Variants in HPN observed in about 807,000 individuals in gnomAD.
HPN encodes the protein hepsin, also known as serine protease hepsin.
Under a neutral mutation model 55.9 loss-of-function variants are expected in HPN, and 13 were observed. That is an observed-to-expected ratio of 0.23 (90% CI 0.15 to 0.37). The LOEUF (loss-of-function observed/expected upper bound fraction) is 0.37, where lower values mean the gene tolerates loss of function less well. Ranked by LOEUF, HPN falls within the 10% of genes least tolerant of loss-of-function variation. The pLI is 1.00. For missense variants in HPN, 451 were observed against 575.8 expected, an observed-to-expected ratio of 0.78 and a Z score of 2.22; for synonymous variants, 225 against 240.3, an observed-to-expected ratio of 0.94 and a Z score of 0.59.
At chr19:35,054,463 T>C (rs1156852949) in intron 4 of HPN, among the ~76,000 whole-genome samples, 3 of 150,252 alleles carry the variant, frequency 2.0e-5, no homozygotes, top group Admixed American at 6.6e-5. Flanking sequence ...CCGAGGATGG[T>C]TGTGGGATTC....
chr19:35,065,092 G>T (rs4396637), intron 9 of HPN, among the ~76,000 whole-genome samples, 158 bp from the exon 10 acceptor site: 94,380 of 151,962 alleles, frequency 0.62, 31,997 homozygotes, highest in Admixed American at 0.77. Context: ...AAAGTGCTGG[G>T]ATTACAGGCA....
At chr19:35,053,653 G>GTTC (rs1227782667) in intron 4 of HPN, among the ~76,000 whole-genome samples, 1 of 152,256 alleles carries the variant, frequency 6.6e-6, no homozygotes, top group Non-Finnish European at 1.5e-5. Flanking sequence ...GCTGAGGCAT[G>GTTC]AGAATCGCTT....
intron 9 of HPN, among the ~76,000 whole-genome samples, chr19:35,063,509 G>A (rs1810132260): frequency 2.6e-5 from 4 of 152,296 alleles, no homozygotes; most frequent in Middle Eastern, 6.8e-3. Context: ...GGGAGTTTGA[G>A]ACCAGCCTGG....
chr19:35,057,163 C>G (rs762321754), intron 4 of HPN, among the ~76,000 whole-genome samples: 32 of 152,156 alleles, frequency 2.1e-4, no homozygotes, highest in African/African-American at 7.7e-4. Flanking sequence ...CAGTAGCTCA[C>G]GCCTGTCATC....
intron 2 of HPN, among the ~76,000 whole-genome samples, chr19:35,045,002 G>T (rs1471505279): frequency 6.6e-6 from 1 of 152,126 alleles, no homozygotes; most frequent in Non-Finnish European, 1.5e-5. Flanking sequence ...TCCTAGGAGT[G>T]AGGGCCTCTG....
At chr19:35,045,169 G>T (rs1325934367) in intron 2 of HPN, among the ~76,000 whole-genome samples, 1 of 152,126 alleles carries the variant, frequency 6.6e-6, no homozygotes, top group Non-Finnish European at 1.5e-5. Context: ...AGAGGGTCTA[G>T]GGCTGGGGAC....
In HPN at chr19:35,042,477, G is replaced by T; in HGVS notation, c.-30G>T. 2 of 1,602,880 alleles carry T rather than the reference G, an allele frequency of 1.2e-6. No homozygotes were observed. Among genetic ancestry groups the T allele is most frequent in the South Asian group, 2.3e-5 (2 of 88,668 alleles). On this transcript the variant is annotated 5_prime_UTR_variant, in exon 2 of 13. Coordinates refer to ENST00000672452, the MANE Select transcript of HPN (RefSeq NM_001384133.1). Reference sequence around the variant, plus strand: ...GGTCCCACCCTGGCCCAGGAGGTCAGCCAGGGAATCATTAACAAGAGGCAG... The same window carrying T: ...GGTCCCACCCTGGCCCAGGAGGTCATCCAGGGAATCATTAACAAGAGGCAG...
In HPN at chr19:35,060,647, G is replaced by A. The variant is rs374894952; in HGVS notation, c.641G>A (p.Arg214Gln). 5 of 1,613,922 alleles carry A rather than the reference G, an allele frequency of 3.1e-6. No homozygotes were observed. Among genetic ancestry groups the A allele is most frequent in the South Asian group, 2.2e-5 (2 of 91,092 alleles). Residue 214 changes from arginine (R) to glutamine (Q), a missense_variant, in exon 9 of 13, where the codon CGA becomes CAA. This residue lies in a region of HPN where 378 missense variants were observed against 445.5 expected (regional missense o/e 0.85). Transcript: ENST00000672452. The stretch of plus-strand genomic sequence containing the variant: ...GGTAGGCGGAACCGGGTCCTGTCCC[G>A]ATGGCGAGTGTTTGCCGGTGCCGTG... Reference protein sequence around the residue: ...CFPERNRVLSRWRVFAGAVAQ... With the variant: ...CFPERNRVLSQWRVFAGAVAQ...
At chr19:35,045,018 G>A (rs986045550) in intron 2 of HPN, among the ~76,000 whole-genome samples, 2 of 152,164 alleles carry the variant, frequency 1.3e-5, no homozygotes, top group Non-Finnish European at 2.9e-5. Context: ...CTCTGAGACA[G>A]GACCGGGAGG....
rs1260638737 is a variant in HPN, at chr19:35,059,813, C to T, written c.290+11C>T. ...GATGGGCTTCCTCAGGTACTGGGGG[C>T]CCTCGGAGGGGTGGGAGCCGGGAGG... On this transcript the variant is annotated intron_variant, in intron 5 of 12. Coordinates refer to ENST00000672452, the MANE Select transcript of HPN (RefSeq NM_001384133.1). The T allele has an allele frequency of 3.2e-6, 5 of 1,552,732 alleles. No homozygotes were observed. Among genetic ancestry groups the T allele is most frequent in the Non-Finnish European group, 4.4e-6 (5 of 1,147,752 alleles).
chr19:35,042,412 GGGCTCCCCCA>G, intron 1 of HPN, 31 bp from the exon 2 acceptor site: 1 of 1,529,948 alleles, frequency 6.5e-7, no homozygotes, highest in Admixed American at 2.0e-5. Flanking sequence ...GGGCTGGGCT[GGGCTCCCCCA>G]GGCCCTGCCT....
Position 35,060,162 on chromosome 19 carries a change from C to T in HPN, c.447C>T (p.Ile149=). 6.2e-7 allele frequency: 1 copy of T among 1,614,174 alleles called. No homozygotes were observed. Among genetic ancestry groups the T allele is most frequent in the Non-Finnish European group, 8.5e-7 (1 of 1,180,042 alleles). ...DCPRGRFLAA[I]CQDCGRRKLP... is the part of the protein sequence containing the mutation. Reference sequence around the variant, plus strand: ...CCAGAGGCCGTTTCTTGGCCGCCATCTGCCAAGGTGAGATCCTAAAACTCA... The same window carrying T: ...CCAGAGGCCGTTTCTTGGCCGCCATTTGCCAAGGTGAGATCCTAAAACTCA... The change falls in exon 7 of 13, where the codon ATC becomes ATT. Residue 149 remains isoleucine, a synonymous_variant. Transcript: ENST00000672452.
chr19:35,064,224 A>G (rs1231184212), intron 9 of HPN, among the ~76,000 whole-genome samples: 1 of 152,126 alleles, frequency 6.6e-6, no homozygotes, highest in East Asian at 1.9e-4. Flanking sequence ...GCACAAGGAC[A>G]CCACATCTCA....
intron 9 of HPN, 88 bp from the exon 10 acceptor site, chr19:35,065,162 T>G: frequency 4.5e-5 from 36 of 795,268 alleles, no homozygotes; most frequent in Middle Eastern, 3.0e-4. Flanking sequence ...GGGCAGGGTG[T>G]GTTAGGGGCC....
At chr19:35,052,681 C>G (rs1370637713) in intron 4 of HPN, among the ~76,000 whole-genome samples, 4 of 152,188 alleles carry the variant, frequency 2.6e-5, no homozygotes, top group African/African-American at 9.7e-5. Flanking sequence ...TGGCCTCTCA[C>G]CCTATGGTGT....
Position 35,061,738 on chromosome 19 carries a change from C to T in HPN, c.811+921C>T, listed in dbSNP as rs369914125. Among the ~76,000 whole-genome samples, 17 of 152,192 alleles carry T rather than the reference C, an allele frequency of 1.1e-4. No individual in the cohort carries two copies. The East Asian group carries it at 3.1e-3, about 28-fold the overall frequency. ...ACAGTGCTGAATGAGACAAGCCAGCCGCAAAGGCCACATACTGTAGGATGC... is the reference window on the plus strand; with the variant it reads ...ACAGTGCTGAATGAGACAAGCCAGCTGCAAAGGCCACATACTGTAGGATGC... On this transcript the variant is annotated intron_variant, in intron 9 of 12. Transcript: ENST00000672452.
chr19:35,050,168 G>A (rs1047283265), intron 4 of HPN, among the ~76,000 whole-genome samples: 2 of 152,126 alleles, frequency 1.3e-5, no homozygotes, highest in South Asian at 4.1e-4. Context: ...TGTCACCCAG[G>A]CTAGAGTGCA....
intron 2 of HPN, among the ~76,000 whole-genome samples, chr19:35,043,531 G>A (rs2064314171): frequency 6.6e-6 from 1 of 152,248 alleles, no homozygotes; most frequent in Admixed American, 6.5e-5. Context: ...TGGAGAGGGT[G>A]ACAGTGCATG....
intron 4 of HPN, among the ~76,000 whole-genome samples, chr19:35,054,155 C>T (rs931732386): frequency 1.1e-4 from 16 of 152,080 alleles, no homozygotes; most frequent in Admixed American, 4.6e-4. Flanking sequence ...CAGTGGCTCA[C>T]GCCTGTAATC....
Sources: gnomAD v4.1 joint callset for allele counts (sites outside exome capture counted in the v4.1 genomes callset) on GRCh38, gnomAD v4.1.1 for gene constraint, gnomAD v4.1.1 regional missense constraint, MANE v1.5 for transcripts, NCBI Gene and HGNC (gene_info 2026-07-23, HGNC 2026-07-21) for gene names.